Variants in FBXW11 observed in about 807,000 individuals in gnomAD.
The protein encoded by FBXW11 is F-box and WD repeat domain containing 11.
In FBXW11, 19 loss-of-function variants were observed where a neutral mutation model predicts 77.6. The ratio of observed to expected loss-of-function variants is 0.24; its 90% CI spans 0.17 to 0.36. The LOEUF (loss-of-function observed/expected upper bound fraction) is 0.36, where lower values mean the gene tolerates loss of function less well. Among genes scored for constraint, FBXW11 ranks in the 10% least tolerant of loss-of-function variants. FBXW11 has a pLI of 1.00. For synonymous variants in FBXW11, 235 were observed against 249.4 expected (o/e 0.94, Z 0.54); for missense variants, 334 against 704.2 (o/e 0.47, Z 5.95).
At chr5:171,988,181 A>G (rs1282562596) in intron 1 of FBXW11, among the ~76,000 whole-genome samples, 2 of 152,210 alleles carry the variant, frequency 1.3e-5, no homozygotes, top group African/African-American at 4.8e-5. Context: ...AGGGTCTAGA[A>G]GCAATGACAA....
chr5:171,876,278 T>C lies in FBXW11; in HGVS notation c.1221+7A>G. ...ACAGGTAGGGTTATGACTGCAGACA[T>C]ACTTACTTTGATGGTCCTGTCACCA... On this transcript the variant is annotated splice_region_variant and intron_variant, in intron 9 of 13. Transcript: ENST00000517395. The surrounding 1 kb of genome is among the most constrained non-coding windows in gnomAD (Gnocchi z 4.2). 2 of 1,614,104 alleles carry C rather than the reference T, an allele frequency of 1.2e-6. No homozygotes were observed. Among genetic ancestry groups the C allele is most frequent in the Non-Finnish European group, 1.7e-6 (2 of 1,179,988 alleles).
At chr5:171,986,369 C>T (rs1163872423) in intron 1 of FBXW11, among the ~76,000 whole-genome samples, 1 of 152,094 alleles carries the variant, frequency 6.6e-6, no homozygotes, top group Non-Finnish European at 1.5e-5. Context: ...CACCATTGTA[C>T]TCCAGCCTGG....
At chr5:171,883,572 C>T (rs1382459493) in intron 7 of FBXW11, among the ~76,000 whole-genome samples, 1 of 152,186 alleles carries the variant, frequency 6.6e-6, no homozygotes, top group African/African-American at 2.4e-5. Flanking sequence ...TTTTCCATAG[C>T]AGCTGTACTA....
At chr5:171,923,729 ATTT>A (rs55905868) in intron 2 of FBXW11, among the ~76,000 whole-genome samples, 1 of 149,762 alleles carries the variant, frequency 6.7e-6, no homozygotes, top group Non-Finnish European at 1.5e-5. Flanking sequence ...TCTAAGATGT[ATTT>A]TTTTTTTTCA....
chr5:171,996,764 G>A (rs990603751), intron 1 of FBXW11: 19 of 591,090 alleles, frequency 3.2e-5, no homozygotes, highest in Middle Eastern at 6.7e-4. Flanking sequence ...ATGACACTAC[G>A]CACAAACGTC....
intron 13 of FBXW11, among the ~76,000 whole-genome samples, chr5:171,865,566 G>C (rs970942314): frequency 2.0e-5 from 3 of 152,136 alleles, no homozygotes; most frequent in Non-Finnish European, 4.4e-5. Context: ...AAACACATTT[G>C]AAAATGTACA....
chr5:171,991,695 G>A (rs528397238), intron 1 of FBXW11, among the ~76,000 whole-genome samples: 11 of 152,170 alleles, frequency 7.2e-5, no homozygotes, highest in Non-Finnish European at 1.2e-4. Flanking sequence ...CATAAGATAC[G>A]TTCTCAAAAA....
intron 1 of FBXW11, among the ~76,000 whole-genome samples, chr5:171,965,808 T>C (rs1764153138): frequency 3.3e-5 from 5 of 152,174 alleles, no homozygotes; most frequent in Admixed American, 3.3e-4. Flanking sequence ...TTCATGTAGT[T>C]TGGCTCTGTG....
intron 2 of FBXW11, among the ~76,000 whole-genome samples, chr5:171,925,378 A>G (rs1044970852): frequency 6.6e-6 from 1 of 152,364 alleles, no homozygotes; most frequent in East Asian, 1.9e-4. Context: ...GTTTTTAACA[A>G]AAAGAGCCAG....
At chr5:171,891,796 C>A (rs1278115760) in intron 6 of FBXW11, among the ~76,000 whole-genome samples, 192 bp from the exon 7 acceptor site, 1 of 151,980 alleles carries the variant, frequency 6.6e-6, no homozygotes, top group African/African-American at 2.4e-5. Context: ...CTTAAACTTT[C>A]CCTGCCCATT....
chr5:171,957,766 C>T (rs774311831), intron 1 of FBXW11, 68 bp from the exon 2 acceptor site: 4 of 1,335,004 alleles, frequency 3.0e-6, no homozygotes, highest in Non-Finnish European at 3.2e-6. Context: ...CTCCTTCACA[C>T]AGGCAACTTG....
chr5:171,889,266 G>A (rs755403784), intron 7 of FBXW11, among the ~76,000 whole-genome samples: 10 of 152,102 alleles, frequency 6.6e-5, no homozygotes, highest in Non-Finnish European at 1.2e-4. Context: ...AGTGGCTCAC[G>A]CCTGTAATCT....
chr5:171,892,950 T>G (rs1023841329), intron 6 of FBXW11, among the ~76,000 whole-genome samples: 2 of 152,206 alleles, frequency 1.3e-5, no homozygotes, highest in African/African-American at 4.8e-5. Flanking sequence ...TTCTTCTTAT[T>G]TTGAAGATAG....
At position 171,876,480 on chromosome 5, in the gene FBXW11, C is replaced by T. The variant is rs757697590; in HGVS notation, c.1026G>A (p.Glu342=). 1.9e-6 allele frequency: 3 copies of T among 1,614,196 alleles called. No individual in the cohort carries two copies. The highest frequency in any genetic ancestry group is 2.2e-5 in the South Asian group (2 of 91,076). The change falls in exon 9 of 14, where the codon GAG becomes GAA. Residue 342 remains glutamate (E), a synonymous_variant. Transcript: ENST00000517395. The surrounding 1 kb of genome is among the most constrained non-coding windows in gnomAD (Gnocchi z 4.2). ...EVLNTLIHHN[E]AVLHLRFSNG... ...TGCTGAAGCGTAAGTGCAATACAGC[C>T]TCATTGTGGTGGATCAATGTGTTAA... is the stretch of plus-strand genomic sequence containing the variant.
At chr5:171,999,948 T>C (rs1766313304) in intron 1 of FBXW11, among the ~76,000 whole-genome samples, 1 of 152,208 alleles carries the variant, frequency 6.6e-6, no homozygotes, top group Non-Finnish European at 1.5e-5. Context: ...CCCGCTGACA[T>C]CACAGAACTC....
At chr5:171,895,794 G>A (rs919490805) in intron 6 of FBXW11, among the ~76,000 whole-genome samples, 9 of 152,172 alleles carry the variant, frequency 5.9e-5, no homozygotes, top group Non-Finnish European at 1.0e-4. Flanking sequence ...CCAGCAGTCA[G>A]CCCACCATTA....
At chr5:171,981,140 C>A (rs1014018222) in intron 1 of FBXW11, among the ~76,000 whole-genome samples, 14 of 52,370 alleles carry the variant, frequency 2.7e-4, no homozygotes, top group African/African-American at 5.6e-4. Flanking sequence ...GGTAATGTGA[C>A]CTCCATTAAA....
intron 1 of FBXW11, among the ~76,000 whole-genome samples, chr5:171,959,996 T>C (rs1191822180): frequency 2.6e-5 from 4 of 152,168 alleles, no homozygotes; most frequent in Non-Finnish European, 5.9e-5. Flanking sequence ...AAACACTCTC[T>C]ATCCAGAGAT....
chr5:171,897,694 AT>A (rs1188116164), intron 6 of FBXW11, among the ~76,000 whole-genome samples: 6 of 152,060 alleles, frequency 3.9e-5, no homozygotes, highest in Non-Finnish European at 7.4e-5. Flanking sequence ...TTTTCAAAGA[AT>A]TTTTTTGATA....
Sources: gnomAD v4.1 joint callset for allele counts (sites outside exome capture counted in the v4.1 genomes callset) on GRCh38, gnomAD v4.1.1 for gene constraint, Gnocchi (gnomAD v3.1) non-coding constraint, MANE v1.5 for transcripts, NCBI Gene and HGNC (gene_info 2026-07-23, HGNC 2026-07-21) for gene names.